Variants in ZFAND3 observed in about 807,000 individuals in gnomAD.
ZFAND3 encodes the protein zinc finger AN1-type containing 3.
ZFAND3 carries 10 observed loss-of-function variants against 29.6 expected under a neutral mutation model. That is an observed-to-expected ratio of 0.34 (90% CI 0.21 to 0.57). The LOEUF is 0.57. ZFAND3 is among the 20% of genes least tolerant of loss of function. The probability of loss-of-function intolerance (pLI) is 0.86; values close to 1 mark genes in which losing one functional copy is unlikely to be tolerated. For synonymous variants in ZFAND3, 128 were observed against 112.6 expected, an observed-to-expected ratio of 1.14 and a Z score of -0.87; for missense variants, 230 against 304.5, an observed-to-expected ratio of 0.76 and a Z score of 1.82.
At chr6:37,937,971 AAT>A (rs1412930880) in intron 2 of ZFAND3, among the ~76,000 whole-genome samples, 1 of 152,140 alleles carries the variant, frequency 6.6e-6, no homozygotes, top group Non-Finnish European at 1.5e-5. Flanking sequence ...AACAAATGTT[AAT>A]GTTTTGCCTT....
intron 2 of ZFAND3, among the ~76,000 whole-genome samples, chr6:37,971,639 C>T (rs1464101315): frequency 6.6e-6 from 1 of 152,090 alleles, no homozygotes; most frequent in Non-Finnish European, 1.5e-5. Flanking sequence ...GAAACAATGG[C>T]TTCATCTTGC....
chr6:37,866,075 C>A (rs962088119), intron 1 of ZFAND3, among the ~76,000 whole-genome samples: 1 of 152,082 alleles, frequency 6.6e-6, no homozygotes. Context: ...TATCCTTCTG[C>A]CTCCTCCTCC....
intron 2 of ZFAND3, among the ~76,000 whole-genome samples, chr6:38,009,524 A>G (rs1012380740): frequency 6.6e-6 from 1 of 152,232 alleles, no homozygotes; most frequent in African/African-American, 2.4e-5. Flanking sequence ...TCTCTTATAC[A>G]TCTGTTAGTC....
chr6:38,011,108 C>A (rs937795398), intron 2 of ZFAND3, among the ~76,000 whole-genome samples: 1 of 151,884 alleles, frequency 6.6e-6, no homozygotes, highest in Non-Finnish European at 1.5e-5. Flanking sequence ...TGTTTCAATT[C>A]GCATAATACG....
chr6:37,930,975 G>A (rs1286207117), intron 2 of ZFAND3, among the ~76,000 whole-genome samples: 1 of 152,160 alleles, frequency 6.6e-6, no homozygotes, highest in African/African-American at 2.4e-5. Context: ...AGGGAGAATG[G>A]CAGGGGACTT....
intron 5 of ZFAND3, among the ~76,000 whole-genome samples, chr6:38,130,177 C>T (rs145873187): frequency 7.9e-5 from 12 of 152,114 alleles, no homozygotes; most frequent in Non-Finnish European, 1.2e-4. Context: ...AGAAACTTGC[C>T]GATTTATTTA....
chr6:38,142,555 A>G (rs1374646013), intron 5 of ZFAND3, among the ~76,000 whole-genome samples: 1 of 152,268 alleles, frequency 6.6e-6, no homozygotes, highest in Non-Finnish European at 1.5e-5. Flanking sequence ...GTTTGAGAAG[A>G]TAATCTTTTA....
At chr6:37,918,734 C>G (rs1388721645) in intron 1 of ZFAND3, among the ~76,000 whole-genome samples, 5 of 152,044 alleles carry the variant, frequency 3.3e-5, no homozygotes, top group Non-Finnish European at 1.5e-5. Flanking sequence ...TTTTGACACA[C>G]TTTGGGAAAA....
chr6:38,131,252 A>C (rs1043590618), intron 5 of ZFAND3, among the ~76,000 whole-genome samples: 18 of 152,158 alleles, frequency 1.2e-4, no homozygotes, highest in Non-Finnish European at 5.9e-5. Flanking sequence ...TTCAAAAAAA[A>C]CAGCTTTTTG....
rs73417965 is a variant in ZFAND3 at position 38,013,455 on chromosome 6, G to A, written c.113-48138G>A. Among the ~76,000 whole-genome samples the A allele has an allele frequency of 1.4e-3, 218 of 152,306 alleles. 1 individual carries two copies. Among genetic ancestry groups the A allele is most frequent in the African/African-American group, 4.4e-3 (181 of 41,570 alleles). ...TTTGATATAGTACATACTGCCGTCT[G>A]TTGTAGTTATTTGTGTGTATTGCCT... On this transcript the variant is annotated intron_variant, in intron 2 of 5. Coordinates refer to ENST00000287218, the MANE Select transcript of ZFAND3 (RefSeq NM_021943.3).
At chr6:38,126,477 C>T (rs566821456) in intron 5 of ZFAND3, among the ~76,000 whole-genome samples, 1 of 152,292 alleles carries the variant, frequency 6.6e-6, no homozygotes, top group South Asian at 2.1e-4. Context: ...CTTCCAAGAT[C>T]TTTTCCAAGC....
intron 1 of ZFAND3, among the ~76,000 whole-genome samples, chr6:37,846,463 T>G (rs1221346887): frequency 6.6e-6 from 1 of 152,204 alleles, no homozygotes; most frequent in Non-Finnish European, 1.5e-5. Flanking sequence ...ATTAAAGTTA[T>G]GAAGAAAGCC....
chr6:38,091,972 A>G (rs1321274892), intron 4 of ZFAND3, among the ~76,000 whole-genome samples: 2 of 152,094 alleles, frequency 1.3e-5, no homozygotes, highest in African/African-American at 2.4e-5. Flanking sequence ...TCTTGCTGCT[A>G]GCTTCCAAGA....
intron 1 of ZFAND3, among the ~76,000 whole-genome samples, chr6:37,908,190 A>T (rs185809599): frequency 2.6e-5 from 4 of 152,176 alleles, no homozygotes; most frequent in Admixed American, 2.6e-4. Context: ...TCCACATTTT[A>T]GATCTGTCTC....
At chr6:38,077,726 A>C (rs550037962) in intron 3 of ZFAND3, among the ~76,000 whole-genome samples, 6 of 152,272 alleles carry the variant, frequency 3.9e-5, no homozygotes, top group Admixed American at 6.5e-5. Flanking sequence ...AAAACTTTTC[A>C]GAGTAGATTG....
chr6:38,072,971 T>C (rs1764484706), intron 3 of ZFAND3, among the ~76,000 whole-genome samples: 1 of 152,190 alleles, frequency 6.6e-6, no homozygotes, highest in African/African-American at 2.4e-5. Context: ...CAACTATTAG[T>C]TGCAAAGAGA....
At chr6:37,857,174 A>G (rs548375900) in intron 1 of ZFAND3, among the ~76,000 whole-genome samples, 23 of 152,300 alleles carry the variant, frequency 1.5e-4, no homozygotes, top group African/African-American at 4.3e-4. Context: ...TTGTGCAACT[A>G]TATTAGAAAA....
At position 38,144,171 on chromosome 6, in the gene ZFAND3, G is replaced by GAT. The variant is rs1315714773; in HGVS notation, c.530-8052_530-8051dup. On this transcript the variant is annotated intron_variant, in intron 5 of 5. Coordinates refer to ENST00000287218, the MANE Select transcript of ZFAND3 (RefSeq NM_021943.3). ...AATTATTACCTTGCTAGAAAAATGTGATATATATATATAATATATATATAT... is the reference window on the plus strand; with the variant it reads ...AATTATTACCTTGCTAGAAAAATGTGATATATATATATATAATATATATATAT... Among the ~76,000 whole-genome samples, 120 of 87,300 alleles carry GAT rather than the reference G, an allele frequency of 1.4e-3. 2 individuals are homozygous for GAT. The highest frequency in any genetic ancestry group is 5.6e-3 in the African/African-American group (107 of 18,962). The allele number at this position is 87,300 out of a possible 152,430, so 57.3% of individuals were successfully genotyped here.
At chr6:38,064,377 A>G (rs1308843908) in intron 3 of ZFAND3, among the ~76,000 whole-genome samples, 1 of 152,262 alleles carries the variant, frequency 6.6e-6, no homozygotes, top group African/African-American at 2.4e-5. Context: ...TGAGGTAGAT[A>G]GTGTCATTAT....
Sources: gnomAD v4.1 joint callset for allele counts (sites outside exome capture counted in the v4.1 genomes callset) on GRCh38, gnomAD v4.1.1 for gene constraint, MANE v1.5 for transcripts, NCBI Gene and HGNC (gene_info 2026-07-23, HGNC 2026-07-21) for gene names.